Variants in GUCY1A1 observed in about 807,000 individuals in gnomAD.
GUCY1A1 encodes guanylate cyclase 1 soluble subunit alpha 1, also known as guanylate cyclase soluble subunit alpha-1.
In GUCY1A1, 48 loss-of-function variants were observed where a neutral mutation model predicts 64.5. That is an observed-to-expected ratio of 0.74 (90% CI 0.59 to 0.95). GUCY1A1 has a LOEUF of 0.95. Ranked by LOEUF, GUCY1A1 falls within the 40% of genes least tolerant of loss-of-function variation. The probability of loss-of-function intolerance (pLI) is 0.00; values close to 1 mark genes in which losing one functional copy is unlikely to be tolerated. For synonymous variants in GUCY1A1, 308 were observed against 303.4 expected, an observed-to-expected ratio of 1.02 and a Z score of -0.16; for missense variants, 804 against 825.3, an observed-to-expected ratio of 0.97 and a Z score of 0.32.
Position 155,735,392 on chromosome 4 carries a change from A to T in GUCY1A1, c.*5161A>T, listed in dbSNP as rs1735959268. 6.6e-6 allele frequency: 1 copy of T among 151,956 alleles called. No homozygotes were observed. The highest frequency in any genetic ancestry group is 2.4e-5 in the African/African-American group (1 of 41,398). 9.4% of individuals were successfully genotyped at this position (151,956 alleles called of 1,614,324 possible). A position where few individuals can be genotyped will look rare whatever the true frequency, so the allele number is the denominator to read the frequency against. On this transcript the variant is annotated 3_prime_UTR_variant, in exon 10 of 10. Transcript: ENST00000506455. ...AGTGCAGTTTTTTCCATCATCATAAACTTAGTTTTATGAAAATGTTAATAT... is the reference window on the plus strand; with the variant it reads ...AGTGCAGTTTTTTCCATCATCATAATCTTAGTTTTATGAAAATGTTAATAT...
intron 9 of GUCY1A1, among the ~76,000 whole-genome samples, chr4:155,725,353 A>G (rs1014269096): frequency 2.6e-5 from 4 of 152,054 alleles, no homozygotes; most frequent in Admixed American, 6.6e-5. Context: ...TAATTGGCCT[A>G]TGGTCCTACT....
intron 9 of GUCY1A1, among the ~76,000 whole-genome samples, chr4:155,729,647 A>T (rs1364031609): frequency 6.6e-6 from 1 of 151,898 alleles, no homozygotes; most frequent in African/African-American, 2.4e-5. Context: ...TAATGAATTG[A>T]TAAATGGACA....
chr4:155,726,217 T>G (rs1485753996), intron 9 of GUCY1A1, among the ~76,000 whole-genome samples: 2 of 152,012 alleles, frequency 1.3e-5, no homozygotes, highest in African/African-American at 4.8e-5. Flanking sequence ...ATGCCTTGCC[T>G]AAGGGAAAGC....
At chr4:155,726,819 CTAG>C (rs1734749399) in intron 9 of GUCY1A1, among the ~76,000 whole-genome samples, 1 of 151,922 alleles carries the variant, frequency 6.6e-6, no homozygotes, top group African/African-American at 2.4e-5. Context: ...CTAATAGAGA[CTAG>C]TAGAGACTAC....
intron 2 of GUCY1A1, among the ~76,000 whole-genome samples, chr4:155,676,664 G>T (rs1213036580): frequency 6.6e-6 from 1 of 151,444 alleles, no homozygotes; most frequent in Non-Finnish European, 1.5e-5. Context: ...GTCATGCAGT[G>T]TTTATCACTT....
chr4:155,679,196 T>C (rs1735359702), intron 2 of GUCY1A1, among the ~76,000 whole-genome samples: 1 of 152,062 alleles, frequency 6.6e-6, no homozygotes, highest in Non-Finnish European at 1.5e-5. Flanking sequence ...GTTTTTTTTT[T>C]CAAATTTAAG....
At position 155,696,958 on chromosome 4, in the gene GUCY1A1, G is replaced by C. The variant is rs1253572206; in HGVS notation, c.91G>C (p.Glu31Gln). The change falls in exon 3 of 10, where the codon GAG becomes CAG. Residue 31 changes from glutamate (E) to glutamine (Q), a missense_variant. Transcript: ENST00000506455. The part of the protein sequence containing the change: ...APGQVPNESS[E>Q]EAAGSSESCK... ...AGGTCAAGTTCCTAACGAGTCTTCA[G>C]AGGAGGCAGCAGGAAGCTCAGAGAG... 3 of 1,613,606 alleles carry C rather than the reference G, an allele frequency of 1.9e-6. No homozygotes were observed. The highest frequency in any genetic ancestry group is 2.2e-5 in the South Asian group (2 of 91,066).
intron 2 of GUCY1A1, among the ~76,000 whole-genome samples, chr4:155,691,774 G>A (rs1389386624): frequency 1.3e-5 from 2 of 152,026 alleles, no homozygotes; most frequent in South Asian, 2.1e-4. Context: ...AACTTTTTTC[G>A]ATTTTTTTAT....
At chr4:155,725,103 A>C (rs1473605981) in intron 9 of GUCY1A1, among the ~76,000 whole-genome samples, 2 of 152,020 alleles carry the variant, frequency 1.3e-5, no homozygotes, top group African/African-American at 2.4e-5. Flanking sequence ...TCATCTTCTC[A>C]GTTCACACCT....
At chr4:155,723,917 C>T (rs536365545) in intron 9 of GUCY1A1, among the ~76,000 whole-genome samples, 2 of 152,238 alleles carry the variant, frequency 1.3e-5, no homozygotes, top group South Asian at 4.1e-4. Context: ...CCCACCTTGG[C>T]CTCCCAAAGT....
chr4:155,688,089 G>C (rs1278179038), intron 2 of GUCY1A1, among the ~76,000 whole-genome samples: 1 of 151,944 alleles, frequency 6.6e-6, no homozygotes, highest in East Asian at 1.9e-4. Context: ...TTAGCCTGGC[G>C]TGGTGGCGGG....
rs143666242 is a variant in GUCY1A1 at position 155,698,733 on chromosome 4, G to A, written c.255+1611G>A. The stretch of plus-strand genomic sequence containing the variant: ...GATGGTGCCACCAAAAGTTCCACAG[G>A]CTTCCTTCATTCTTTTTCATTCATT... On this transcript the variant is annotated intron_variant, in intron 3 of 9. Coordinates refer to ENST00000506455, the MANE Select transcript of GUCY1A1 (RefSeq NM_001130682.3). Among the ~76,000 whole-genome samples, 442 of 152,174 alleles carry A rather than the reference G, an allele frequency of 2.9e-3. 2 individuals are homozygous for A. The highest frequency in any genetic ancestry group is 1.0e-2 in the African/African-American group (415 of 41,502).
At chr4:155,678,649 A>C (rs1022302828) in intron 2 of GUCY1A1, among the ~76,000 whole-genome samples, 1 of 152,230 alleles carries the variant, frequency 6.6e-6, no homozygotes, top group South Asian at 2.1e-4. Context: ...TCACACTTTT[A>C]CTTACTATGG....
rs1297051185 is a variant in GUCY1A1 at position 155,732,056 on chromosome 4, T to C, written c.*1825T>C. 4.6e-5 allele frequency: 7 copies of C among 151,736 alleles called. No individual in the cohort carries two copies. The highest frequency in any genetic ancestry group is 1.7e-4 in the African/African-American group (7 of 41,356). The allele number at this position is 151,736 out of a possible 1,614,324, so 9.4% of individuals were successfully genotyped here. Reference sequence around the variant, plus strand: ...TTTTCTTTCTGGAACCGAACTCTTATTATGGGGAAATAATAGAAATAAAGA... The same window carrying C: ...TTTTCTTTCTGGAACCGAACTCTTACTATGGGGAAATAATAGAAATAAAGA... On this transcript the variant is annotated 3_prime_UTR_variant, in exon 10 of 10. Transcript: ENST00000506455.
chr4:155,727,813 T>C (rs1167560456), intron 9 of GUCY1A1, among the ~76,000 whole-genome samples: 1 of 151,660 alleles, frequency 6.6e-6, no homozygotes, highest in African/African-American at 2.4e-5. Flanking sequence ...TAATAAAATA[T>C]AAATAGAAAC....
intron 8 of GUCY1A1, 44 bp from the exon 9 acceptor site, chr4:155,721,993 TG>T (rs765453070): frequency 7.8e-7 from 1 of 1,280,230 alleles, no homozygotes; most frequent in African/African-American, 1.5e-5. Flanking sequence ...GAGTAGGAAG[TG>T]TTTTACCAGT....
At chr4:155,674,616 A>G (rs1438831935) in intron 2 of GUCY1A1, among the ~76,000 whole-genome samples, 1 of 151,356 alleles carries the variant, frequency 6.6e-6, no homozygotes, top group Non-Finnish European at 1.5e-5. Flanking sequence ...CTTAGCATGG[A>G]CCTACACAAG....
Position 155,731,194 on chromosome 4 carries a change from C to T in GUCY1A1, c.*963C>T, listed in dbSNP as rs1735501559. 6.6e-6 allele frequency: 1 copy of T among 151,874 alleles called. No individual in the cohort carries two copies. The highest frequency in any genetic ancestry group is 1.5e-5 in the Non-Finnish European group (1 of 67,846). 9.4% of individuals were successfully genotyped at this position (151,874 alleles called of 1,614,324 possible). A position where few individuals can be genotyped will look rare whatever the true frequency, so the allele number is the denominator to read the frequency against. The stretch of plus-strand genomic sequence containing the variant: ...AGGCACACTTGGAACAATATGGACC[C>T]ACTTCAGCAGACATCTTCTATTGCC... On this transcript the variant is annotated 3_prime_UTR_variant, in exon 10 of 10. Coordinates refer to ENST00000506455, the MANE Select transcript of GUCY1A1 (RefSeq NM_001130682.3).
intron 2 of GUCY1A1, among the ~76,000 whole-genome samples, chr4:155,673,957 T>G (rs1734509817): frequency 6.6e-6 from 1 of 151,596 alleles, no homozygotes; most frequent in Non-Finnish European, 1.5e-5. Flanking sequence ...GAATTTTTAC[T>G]ATTATACTGA....
Sources: allele counts gnomAD v4.1 joint callset (sites outside exome capture counted in the v4.1 genomes callset), GRCh38; gene constraint gnomAD v4.1.1; transcripts MANE v1.5; gene names NCBI Gene and HGNC (gene_info 2026-07-23, HGNC 2026-07-21).